The following DAW1 variants were observed in gnomAD, a reference collection of about 807,000 sequenced individuals.
DAW1 encodes dynein assembly factor with WD repeat domains 1.
DAW1 carries 47 observed loss-of-function variants against 56.5 expected under a neutral mutation model. That is an observed-to-expected ratio of 0.83 (90% confidence interval 0.66 to 1.06). The LOEUF (loss-of-function observed/expected upper bound fraction) is 1.06, where lower values mean the gene tolerates loss of function less well. DAW1 is among the 50% of genes least tolerant of loss of function. The probability of loss-of-function intolerance (pLI) is 0.00; values close to 1 mark genes in which losing one functional copy is unlikely to be tolerated. For synonymous variants in DAW1, 190 were observed against 179.0 expected, an observed-to-expected ratio of 1.06 and a Z score of -0.49; for missense variants, 505 against 499.3, an observed-to-expected ratio of 1.01 and a Z score of -0.11.
At chr2:227,895,176 G>T (rs910413549) in intron 5 of DAW1, among the ~76,000 whole-genome samples, 1 of 152,148 alleles carries the variant, frequency 6.6e-6, no homozygotes, top group African/African-American at 2.4e-5. Context: ...TGCAAGAAAA[G>T]AAAACTAGAT....
intron 5 of DAW1, among the ~76,000 whole-genome samples, chr2:227,896,934 A>C (rs967861085): frequency 6.6e-6 from 1 of 151,838 alleles, no homozygotes; most frequent in Non-Finnish European, 1.5e-5. Context: ...AATAAAAAAA[A>C]ATTTAGCCAA....
chr2:227,910,571 T>A (rs1028745320), intron 10 of DAW1, among the ~76,000 whole-genome samples: 1 of 151,812 alleles, frequency 6.6e-6, no homozygotes, highest in South Asian at 2.1e-4. Context: ...TTATTTGAAA[T>A]GTATTGGACA....
Position 227,921,305 on chromosome 2 carries a change from C to CTTTTTTTTTTT in DAW1, c.1051-76_1051-66dup, listed in dbSNP as rs556409280. On this transcript the variant is annotated intron_variant, in intron 11 of 12. Transcript: ENST00000309931. Reference sequence around the variant, plus strand: ...GGAAGGTGACATGTGCTGTAATGTCCTTTTTTTTTTTTTTTTTTTTTTTTT... The same window carrying CTTTTTTTTTTT: ...GGAAGGTGACATGTGCTGTAATGTCCTTTTTTTTTTTTTTTTTTTTTTTTTTTTTTTTTTTT... 5.3e-5 allele frequency: 23 copies of CTTTTTTTTTTT among 433,810 alleles called. 1 individual carries two copies. The African/African-American group carries it at 9.5e-4, about 18-fold the overall frequency. 26.9% of individuals were successfully genotyped at this position (433,810 alleles called of 1,614,324 possible).
At position 227,875,509 on chromosome 2, in the gene DAW1, C is replaced by T. The variant is rs1334695171; in HGVS notation, c.40+3780C>T. On this transcript the variant is annotated intron_variant, in intron 1 of 12. Coordinates refer to ENST00000309931, the MANE Select transcript of DAW1 (RefSeq NM_178821.3). ...CAGCAACACTCCTCTCCTTGGTGTT[C>T]CTTGAATGGGGCAGAGGTGTCCCCA... Among the ~76,000 whole-genome samples the T allele has an allele frequency of 4.6e-5, 7 of 152,292 alleles. No homozygotes were observed. In the East Asian group the frequency reaches 1.4e-3, roughly 29 times the overall value.
chr2:227,897,348 G>A (rs1408158874), intron 5 of DAW1, among the ~76,000 whole-genome samples: 2 of 152,050 alleles, frequency 1.3e-5, no homozygotes, highest in Non-Finnish European at 2.9e-5. Flanking sequence ...CCTGGGACAA[G>A]GGGGAGAATC....
intron 6 of DAW1, among the ~76,000 whole-genome samples, chr2:227,900,852 G>C (rs1261226217): frequency 6.6e-6 from 1 of 152,184 alleles, no homozygotes; most frequent in Non-Finnish European, 1.5e-5. Context: ...AGTTAAAAGT[G>C]TCCATGCCTT....
intron 11 of DAW1, among the ~76,000 whole-genome samples, chr2:227,919,630 G>T (rs925763672): frequency 6.6e-6 from 1 of 152,182 alleles, no homozygotes; most frequent in African/African-American, 2.4e-5. Flanking sequence ...TATCCATTTT[G>T]AAACTACAAA....
At chr2:227,893,941 T>A in intron 5 of DAW1, 24 bp downstream of exon 5, 1 of 1,537,774 alleles carries the variant, frequency 6.5e-7, no homozygotes. Flanking sequence ...TTCACTTATT[T>A]GTTTATTAAT....
At chr2:227,922,162 G>A (rs1692125312) in intron 12 of DAW1, among the ~76,000 whole-genome samples, 1 of 152,136 alleles carries the variant, frequency 6.6e-6, no homozygotes, top group Non-Finnish European at 1.5e-5. Flanking sequence ...CAAGAAAAAA[G>A]TTGAGTTTAT....
intron 10 of DAW1, among the ~76,000 whole-genome samples, chr2:227,916,750 T>C (rs1691960846): frequency 6.6e-6 from 1 of 152,188 alleles, no homozygotes; most frequent in South Asian, 2.1e-4. Flanking sequence ...TATGTCTTTT[T>C]CATCTACCTG....
At chr2:227,890,037 A>T in intron 3 of DAW1, 37 bp downstream of exon 3, 1 of 1,474,992 alleles carries the variant, frequency 6.8e-7, no homozygotes, top group African/African-American at 1.4e-5. Context: ...GAAGAATTTC[A>T]GTGAAATGAT....
intron 10 of DAW1, among the ~76,000 whole-genome samples, chr2:227,911,203 TATATGTGTATATATACATAC>T (rs1171397472): frequency 2.7e-5 from 4 of 145,772 alleles, no homozygotes; most frequent in Non-Finnish European, 4.5e-5. Context: ...CACATACATA[TATATGTGTATATATACATAC>T]ATATGTGTAT....
rs116919292 is a variant in DAW1 at position 227,887,411 on chromosome 2, C to T, written c.113+1988C>T. Among the ~76,000 whole-genome samples, 87 of 152,290 alleles carry T rather than the reference C, an allele frequency of 5.7e-4. No individual in the cohort carries two copies. In the East Asian group the frequency reaches 0.016, roughly 27 times the overall value. ...CAATTATGTATATGTACCTTCAACA[C>T]ATATGTAAGAATCTAATCTGGGTTA... On this transcript the variant is annotated intron_variant, in intron 2 of 12. Transcript: ENST00000309931.
At chr2:227,920,832 A>G (rs1246594203) in intron 11 of DAW1, among the ~76,000 whole-genome samples, 1 of 152,072 alleles carries the variant, frequency 6.6e-6, no homozygotes, top group Admixed American at 6.6e-5. Flanking sequence ...GTGTGCCACC[A>G]TCCATGCCAA....
At chr2:227,922,326 C>T (rs1692129423) in intron 12 of DAW1, among the ~76,000 whole-genome samples, 1 of 152,190 alleles carries the variant, frequency 6.6e-6, no homozygotes, top group African/African-American at 2.4e-5. Flanking sequence ...AACCATTTTT[C>T]AACCGTTAAC....
chr2:227,897,085 CA>C (rs1691428005), intron 5 of DAW1, among the ~76,000 whole-genome samples: 5 of 64,622 alleles, frequency 7.7e-5, no homozygotes, highest in African/African-American at 2.6e-4. Flanking sequence ...AATTCTGTCT[CA>C]AAAAAAGAAA....
intron 10 of DAW1, among the ~76,000 whole-genome samples, chr2:227,913,936 C>A (rs1691891456): frequency 6.7e-6 from 1 of 148,602 alleles, no homozygotes; most frequent in Admixed American, 6.7e-5. Flanking sequence ...TCTTCATCAT[C>A]ATCATCATCA....
chr2:227,900,841 G>T (rs943695039), intron 6 of DAW1, among the ~76,000 whole-genome samples: 1 of 152,188 alleles, frequency 6.6e-6, no homozygotes, highest in Non-Finnish European at 1.5e-5. Flanking sequence ...CCAGCTGCCT[G>T]AGTTAAAAGT....
In DAW1 at chr2:227,909,270, A is replaced by ATCTATCTATCTATCTATCTG. The variant is rs1553603365; in HGVS notation, c.973+2021_973+2022insATCTATCTATCTATCTGTCT. ...TATCTATCTATCTATCTATCTATCTATCTGTCTGTCTGTCTGTCTCCTATT... is the reference window on the plus strand; with the variant it reads ...TATCTATCTATCTATCTATCTATCTATCTATCTATCTATCTATCTGTCTGTCTGTCTGTCTGTCTCCTATT... On this transcript the variant is annotated intron_variant, in intron 10 of 12. Coordinates refer to ENST00000309931, the MANE Select transcript of DAW1 (RefSeq NM_178821.3). Among the ~76,000 whole-genome samples the ATCTATCTATCTATCTATCTG allele has an allele frequency of 7.1e-3, 1,019 of 144,388 alleles. 5 individuals carry two copies. Among genetic ancestry groups the ATCTATCTATCTATCTATCTG allele is most frequent in the Middle Eastern group, 0.015 (4 of 274 alleles). The allele number at this position is 144,388 out of a possible 152,430, so 94.7% of individuals were successfully genotyped here.
Sources: allele counts gnomAD v4.1 joint callset (sites outside exome capture counted in the v4.1 genomes callset), GRCh38; gene constraint gnomAD v4.1.1; transcripts MANE v1.5; gene names NCBI Gene and HGNC (gene_info 2026-07-23, HGNC 2026-07-21).